Variants in SUN5 observed in about 807,000 individuals in gnomAD.
The protein encoded by SUN5 is SUN domain-containing protein 5.
A neutral mutation model predicts 53.7 loss-of-function variants in SUN5; 44 were observed. That is an observed-to-expected ratio of 0.82 (90% CI 0.64 to 1.05). The LOEUF (loss-of-function observed/expected upper bound fraction) is 1.05. Among genes scored for constraint, SUN5 ranks in the 50% least tolerant of loss-of-function variants. The probability of loss-of-function intolerance (pLI) is 0.00; values close to 1 mark genes in which losing one functional copy is unlikely to be tolerated. For synonymous variants in SUN5, 166 were observed against 179.8 expected (o/e 0.92, Z 0.62); for missense variants, 433 against 483.8 (o/e 0.90, Z 0.98).
intron 8 of SUN5, among the ~76,000 whole-genome samples, chr20:32,994,468 A>G (rs1282380187): frequency 6.6e-6 from 1 of 152,210 alleles, no homozygotes. Flanking sequence ...TTTTAAAATA[A>G]CTGTTGCTAA....
intron 8 of SUN5, among the ~76,000 whole-genome samples, chr20:32,990,898 T>C (rs969592108): frequency 6.6e-6 from 1 of 152,236 alleles, no homozygotes; most frequent in Non-Finnish European, 1.5e-5. Flanking sequence ...AGTTTTGGGA[T>C]GGTTTGCTAT....
Position 32,995,102 on chromosome 20 carries a change from CAG to C in SUN5, c.534+515_534+516del, listed in dbSNP as rs540164659. ...GTAATTAGAATCCAAGGAAAGGAGA[CAG>C]ATAATGGAAAGAAGAAATATTTTAA... On this transcript the variant is annotated intron_variant, in intron 8 of 12. Coordinates refer to ENST00000356173, the MANE Select transcript of SUN5 (RefSeq NM_080675.4). Among the ~76,000 whole-genome samples the C allele has an allele frequency of 2.0e-5, 3 of 152,062 alleles. No individual in the cohort carries two copies. The South Asian group carries it at 6.2e-4, about 32-fold the overall frequency.
intron 6 of SUN5, among the ~76,000 whole-genome samples, chr20:32,996,806 CCTAT>C (rs1271824510): frequency 2.6e-5 from 4 of 152,132 alleles, no homozygotes; most frequent in Non-Finnish European, 5.9e-5. Context: ...CACCTAGCCT[CCTAT>C]CTCTTTCCCC....
chr20:32,985,808 C>A lies in SUN5; in HGVS notation c.825G>T (p.Thr275=), dbSNP rs150130180. 4.3e-6 allele frequency: 7 copies of A among 1,613,998 alleles called. No individual in the cohort carries two copies. In the African/African-American group the frequency reaches 9.3e-5, roughly 22 times the overall value. The change falls in exon 11 of 13, where the codon ACG becomes ACT. Residue 275 remains threonine (T), a synonymous_variant. Transcript: ENST00000356173. The part of the protein sequence containing the change: ...LAQKVYLSNL[T]LQHIPKTISL... ...AGATGGTCTTGGGGATGTGCTGCAG[C>A]GTGAGGTTGGACAGGTAAACCTTCT... is the stretch of plus-strand genomic sequence containing the variant.
At chr20:32,998,175 CAAAAAA>C (rs35729664) in intron 5 of SUN5, among the ~76,000 whole-genome samples, 1,022 of 59,758 alleles carry the variant, frequency 0.017, 15 homozygotes, top group African/African-American at 0.056. Flanking sequence ...CCCATCTCTA[CAAAAAA>C]AAAAAAAAAA....
At position 32,983,780 on chromosome 20, in the gene SUN5, G is replaced by A. The variant is rs1249428218; in HGVS notation, c.*14C>T. On this transcript the variant is annotated 3_prime_UTR_variant, in exon 13 of 13. Coordinates refer to ENST00000356173, the MANE Select transcript of SUN5 (RefSeq NM_080675.4). Reference sequence around the variant, plus strand: ...AAAGACACTCAGACTTGGTCTGGGGGTAAAGAATAAATTTTAATCTCTCTT... The same window carrying A: ...AAAGACACTCAGACTTGGTCTGGGGATAAAGAATAAATTTTAATCTCTCTT... The A allele has an allele frequency of 4.1e-6, 6 of 1,456,320 alleles. No individual in the cohort carries two copies. The Admixed American group carries it at 1.2e-4, about 29-fold the overall frequency. 90.2% of individuals were successfully genotyped at this position (1,456,320 alleles called of 1,614,324 possible).
rs775361419 is a variant in SUN5, at chr20:33,004,268, G to A, written c.73C>T (p.Arg25Trp). The change falls in exon 1 of 13, where the codon CGG (arginine) becomes TGG (tryptophan). Residue 25 changes from arginine (R) to tryptophan (W), a missense_variant. Transcript: ENST00000356173. The stretch of plus-strand genomic sequence containing the variant: ...GGGAGGGGCTGCCATCCTCACCTCC[G>A]GGGTCTGGGATTGTGGGCCACATCT... ...LEDVAHNPRP[R>W]RIAQRGRNTS... The A allele has an allele frequency of 9.6e-6, 15 of 1,570,568 alleles. No homozygotes were observed. Among genetic ancestry groups the A allele is most frequent in the East Asian group, 9.4e-5 (4 of 42,704 alleles).
intron 8 of SUN5, among the ~76,000 whole-genome samples, chr20:32,994,637 G>A (rs189126625): frequency 6.2e-4 from 95 of 152,246 alleles, no homozygotes; most frequent in Middle Eastern, 3.4e-3. Context: ...AGTGGCTCAC[G>A]TCTGTAATCT....
At chr20:33,004,197 C>T in intron 1 of SUN5, 67 bp downstream of exon 1, 1 of 1,459,738 alleles carries the variant, frequency 6.9e-7, no homozygotes, top group Non-Finnish European at 9.2e-7. Context: ...TCTCCAAGGA[C>T]AGGGTGGAGG....
intron 8 of SUN5, among the ~76,000 whole-genome samples, chr20:32,990,965 T>C (rs1053329982): frequency 2.0e-5 from 3 of 152,236 alleles, no homozygotes; most frequent in African/African-American, 4.8e-5. Context: ...ATTATGATTC[T>C]GTCTTGTTGA....
Position 32,989,616 on chromosome 20 carries a change from C to T in SUN5, c.613+4G>A, listed in dbSNP as rs1470048146. 6.2e-7 allele frequency: 1 copy of T among 1,613,850 alleles called. No homozygotes were observed. Among genetic ancestry groups the T allele is most frequent in the South Asian group, 1.1e-5 (1 of 91,062 alleles). The stretch of plus-strand genomic sequence containing the variant: ...GTCAGATGGTGGGGAAGGGGGTCAC[C>T]TACCTATAGACTTCAGGGCAAAGTC... On this transcript the variant is annotated splice_donor_region_variant and intron_variant, in intron 9 of 12. Transcript: ENST00000356173.
intron 8 of SUN5, among the ~76,000 whole-genome samples, chr20:32,993,258 G>GC (rs1989753640): frequency 6.6e-6 from 1 of 152,208 alleles, no homozygotes; most frequent in African/African-American, 2.4e-5. Context: ...AGGGTGGCCA[G>GC]CCCATAGGCA....
intron 8 of SUN5, among the ~76,000 whole-genome samples, chr20:32,994,709 G>A (rs1381463203): frequency 1.3e-5 from 2 of 152,280 alleles, no homozygotes; most frequent in East Asian, 1.9e-4. Flanking sequence ...GACCAGCCAA[G>A]TCGACATGGT....
intron 8 of SUN5, 86 bp from the exon 9 acceptor site, chr20:32,989,784 T>G: frequency 7.2e-6 from 8 of 1,117,734 alleles, no homozygotes; most frequent in Non-Finnish European, 1.1e-5. Context: ...AACAGGGGGC[T>G]GCAGGACGCT....
intron 8 of SUN5, among the ~76,000 whole-genome samples, chr20:32,992,044 A>G (rs1443147214): frequency 6.6e-6 from 1 of 152,182 alleles, no homozygotes; most frequent in Non-Finnish European, 1.5e-5. Context: ...AGGAAGGTGC[A>G]TTTTGCGAAT....
At chr20:32,996,215 C>T (rs1255022828) in intron 7 of SUN5, 109 bp downstream of exon 7, 1 of 1,134,632 alleles carries the variant, frequency 8.8e-7, no homozygotes, top group East Asian at 2.4e-5. Context: ...GGATTTAAAC[C>T]CAGGTTGATC....
chr20:33,001,125 G>A, intron 4 of SUN5, 87 bp downstream of exon 4: 4 of 1,437,514 alleles, frequency 2.8e-6, no homozygotes, highest in Non-Finnish European at 3.8e-6. Flanking sequence ...CTACCAAGGG[G>A]AGATCCAAAC....
At chr20:32,992,704 T>C (rs118126693) in intron 8 of SUN5, among the ~76,000 whole-genome samples, 92 of 152,264 alleles carry the variant, frequency 6.0e-4, no homozygotes, top group Non-Finnish European at 9.4e-4. Flanking sequence ...CAATAAAATA[T>C]GTTTACCCAG....
chr20:32,985,787 G>A lies in SUN5; in HGVS notation c.846C>T (p.Thr282=). 1.2e-6 allele frequency: 2 copies of A among 1,614,134 alleles called. No individual in the cohort carries two copies. Among genetic ancestry groups the A allele is most frequent in the Non-Finnish European group, 1.7e-6 (2 of 1,179,986 alleles). The change falls in exon 11 of 13, where the codon ACC becomes ACT. Residue 282 remains threonine (T), a synonymous_variant. Coordinates refer to ENST00000356173, the MANE Select transcript of SUN5 (RefSeq NM_080675.4). ...SNLTLQHIPK[T]ISLSGSLDTA... ...TGTCCAGGCTGCCTGACAATGAGAT[G>A]GTCTTGGGGATGTGCTGCAGCGTGA...
Sources: gnomAD v4.1 joint callset for allele counts (sites outside exome capture counted in the v4.1 genomes callset) on GRCh38, gnomAD v4.1.1 for gene constraint, MANE v1.5 for transcripts, NCBI Gene and HGNC (gene_info 2026-07-23, HGNC 2026-07-21) for gene names.